Variants in NCK2 observed in about 807,000 individuals in gnomAD.
NCK2 encodes cytoplasmic protein NCK2.
In NCK2, 16 loss-of-function variants were observed where a neutral mutation model predicts 33.9. The ratio of observed to expected loss-of-function variants is 0.47; its 90% CI spans 0.32 to 0.72. The LOEUF (loss-of-function observed/expected upper bound fraction) is 0.72. Among genes scored for constraint, NCK2 ranks in the 30% least tolerant of loss-of-function variants. The pLI, the probability that NCK2 is intolerant of heterozygous loss-of-function variation, is 0.03. For synonymous variants in NCK2, 273 were observed against 239.9 expected (o/e 1.14, Z -1.27); for missense variants, 418 against 537.3 (o/e 0.78, Z 2.19).
chr2:105,802,791 G>A (rs1159129238), intron 1 of NCK2, among the ~76,000 whole-genome samples: 1 of 152,052 alleles, frequency 6.6e-6, no homozygotes, highest in Admixed American at 6.5e-5. Context: ...CAACATCCTT[G>A]TTTGCCCCCA....
At chr2:105,864,828 TAC>T (rs10524426) in intron 3 of NCK2, among the ~76,000 whole-genome samples, 13,673 of 143,954 alleles carry the variant, frequency 0.095, 691 homozygotes, top group African/African-American at 0.17. Context: ...CATGTGCATG[TAC>T]ACACACACAC....
At chr2:105,815,953 G>A (rs1176794420) in intron 1 of NCK2, among the ~76,000 whole-genome samples, 10 of 152,214 alleles carry the variant, frequency 6.6e-5, no homozygotes. Flanking sequence ...CTTGATTATG[G>A]GCTGGCTGTT....
At chr2:105,786,769 T>G (rs1432176870) in intron 1 of NCK2, among the ~76,000 whole-genome samples, 1 of 152,200 alleles carries the variant, frequency 6.6e-6, no homozygotes, top group African/African-American at 2.4e-5. Flanking sequence ...TCCTCCCTTC[T>G]GCCTCCCCCA....
chr2:105,809,880 A>G (rs141663760), intron 1 of NCK2, among the ~76,000 whole-genome samples: 156 of 152,268 alleles, frequency 1.0e-3, no homozygotes, highest in African/African-American at 3.5e-3. Flanking sequence ...GAGCACTGCT[A>G]GAAGAAGAGG....
chr2:105,863,836 A>G (rs1677641701), intron 3 of NCK2, among the ~76,000 whole-genome samples: 1 of 152,180 alleles, frequency 6.6e-6, no homozygotes, highest in Non-Finnish European at 1.5e-5. Flanking sequence ...GACTTTGAAC[A>G]AGCCGCTGAA....
intron 1 of NCK2, among the ~76,000 whole-genome samples, chr2:105,778,395 T>C (rs1363256725): frequency 6.6e-6 from 1 of 152,216 alleles, no homozygotes; most frequent in Non-Finnish European, 1.5e-5. Flanking sequence ...CTGCCCACTC[T>C]GACCACATCT....
intron 1 of NCK2, among the ~76,000 whole-genome samples, chr2:105,805,455 A>G (rs1203399792): frequency 1.3e-5 from 2 of 152,246 alleles, no homozygotes; most frequent in Non-Finnish European, 2.9e-5. Context: ...TTGGAATAAT[A>G]ATAAATTTGT....
At chr2:105,761,741 A>G (rs74959255) in intron 1 of NCK2, among the ~76,000 whole-genome samples, 2,506 of 152,178 alleles carry the variant, frequency 0.016, 69 homozygotes, top group African/African-American at 0.057. Context: ...TGAGCTGGGT[A>G]TGGTGGCAAG....
At chr2:105,809,376 G>A (rs1445708645) in intron 1 of NCK2, among the ~76,000 whole-genome samples, 1 of 152,170 alleles carries the variant, frequency 6.6e-6, no homozygotes, top group Non-Finnish European at 1.5e-5. Context: ...CAGTTCTGAA[G>A]GCTGGAAGTC....
At chr2:105,848,933 TC>T (rs1676953301) in intron 2 of NCK2, among the ~76,000 whole-genome samples, 1 of 152,346 alleles carries the variant, frequency 6.6e-6, no homozygotes, top group East Asian at 1.9e-4. Flanking sequence ...CAATTTTTTT[TC>T]TACTAACTGA....
intron 1 of NCK2, among the ~76,000 whole-genome samples, chr2:105,786,680 C>T (rs1690692289): frequency 6.6e-6 from 1 of 152,200 alleles, no homozygotes; most frequent in African/African-American, 2.4e-5. Context: ...CCTGACTCTC[C>T]TGGGTCCCCG....
intron 2 of NCK2, among the ~76,000 whole-genome samples, chr2:105,849,211 T>G (rs1293722027): frequency 1.3e-5 from 2 of 152,170 alleles, no homozygotes; most frequent in African/African-American, 4.8e-5. Context: ...AGATATTTTT[T>G]GTAGATAACC....
rs184828961 is a variant in NCK2 at position 105,862,841 on chromosome 2, A to C, written c.226+7552A>C. ...TTCCTGTGCACTAAAAGAAGCAGAC[A>C]TATCAGCAGTGGTTTAGAGACTACC... On this transcript the variant is annotated intron_variant, in intron 3 of 4. Transcript: ENST00000233154. Among the ~76,000 whole-genome samples, 237 of 152,360 alleles carry C rather than the reference A, an allele frequency of 1.6e-3. 2 individuals are homozygous for C. The highest frequency in any genetic ancestry group is 5.4e-3 in the African/African-American group (224 of 41,586).
At chr2:105,847,249 AC>A (rs1676885425) in intron 2 of NCK2, 2 of 152,200 alleles carry the variant, frequency 1.3e-5, no homozygotes, top group African/African-American at 4.8e-5. Context: ...TGATGTTTGC[AC>A]AACAGGGTGA....
At chr2:105,872,127 G>GTA (rs1257238221) in intron 3 of NCK2, among the ~76,000 whole-genome samples, 4 of 152,214 alleles carry the variant, frequency 2.6e-5, no homozygotes, top group African/African-American at 4.8e-5. Flanking sequence ...GAAGAGAAAG[G>GTA]TCAGTTGACG....
chr2:105,871,869 C>T (rs1019867963), intron 3 of NCK2, among the ~76,000 whole-genome samples: 25 of 152,232 alleles, frequency 1.6e-4, no homozygotes, highest in African/African-American at 5.5e-4. Flanking sequence ...TCAATTAGGA[C>T]CTTAGAGAGC....
At chr2:105,858,449 A>G (rs144325522) in intron 3 of NCK2, among the ~76,000 whole-genome samples, 2 of 152,208 alleles carry the variant, frequency 1.3e-5, no homozygotes, top group Non-Finnish European at 2.9e-5. Flanking sequence ...GGATTTTGCC[A>G]TGTTGCCTGG....
At chr2:105,849,449 T>C (rs1676978013) in intron 2 of NCK2, among the ~76,000 whole-genome samples, 1 of 152,156 alleles carries the variant, frequency 6.6e-6, no homozygotes, top group Non-Finnish European at 1.5e-5. Context: ...ATAAATTGGT[T>C]AGTCAGTGGA....
At chr2:105,873,565 C>A (rs3769497) in intron 3 of NCK2, among the ~76,000 whole-genome samples, 8,653 of 152,216 alleles carry the variant, frequency 0.057, 259 homozygotes, top group South Asian at 0.084. Flanking sequence ...TCAGCTCACC[C>A]ATATTTACCA....
Sources: allele counts gnomAD v4.1 joint callset (sites outside exome capture counted in the v4.1 genomes callset), GRCh38; gene constraint gnomAD v4.1.1; transcripts MANE v1.5; gene names NCBI Gene and HGNC (gene_info 2026-07-23, HGNC 2026-07-21).